Variants in PPFIBP2 observed in about 807,000 individuals in gnomAD.
PPFIBP2 encodes the protein liprin-beta-2.
In PPFIBP2, 118 loss-of-function variants were observed where a neutral mutation model predicts 118.3. That is an observed-to-expected ratio of 1.00 (90% CI 0.86 to 1.16). The LOEUF is 1.16. PPFIBP2 is among the 50% of genes most tolerant of loss of function. The pLI is 0.00. For missense variants in PPFIBP2, 1,195 were observed against 1,073.1 expected (o/e 1.11, Z -1.59); for synonymous variants, 414 against 397.4 (o/e 1.04, Z -0.50).
chr11:7,648,211 A>G (rs1853404447), intron 17 of PPFIBP2, 176 bp from the exon 18 acceptor site: 1 of 626,116 alleles, frequency 1.6e-6, no homozygotes, highest in Middle Eastern at 4.4e-4. Flanking sequence ...TCTACCTCCT[A>G]TGAGTGTGTT....
chr11:7,605,781 C>G (rs1334089953), intron 5 of PPFIBP2: 4 of 1,384,242 alleles, frequency 2.9e-6, no homozygotes, highest in Admixed American at 3.5e-5. Flanking sequence ...GATGAAAGGT[C>G]AGAAGATTGT....
chr11:7,666,094 G>C, the PPFIBP2 span: 4 of 637,082 alleles, frequency 6.3e-6, no homozygotes. Flanking sequence ...TGTGGTGGCC[G>C]TAAGCAGAAG....
intron 6 of PPFIBP2, among the ~76,000 whole-genome samples, chr11:7,611,704 T>C (rs1294408995): frequency 1.3e-5 from 2 of 152,244 alleles, no homozygotes; most frequent in East Asian, 3.8e-4. Flanking sequence ...CCAATTTCTT[T>C]GGTTATTCTG....
chr11:7,656,703 A>G (rs905051643), downstream of PPFIBP2: 3 of 1,289,376 alleles, frequency 2.3e-6, no homozygotes, highest in African/African-American at 4.6e-5. Flanking sequence ...TATTAAACTG[A>G]CCCTTCGGCT....
chr11:7,524,167 G>A (rs1285993243), intron 1 of PPFIBP2, among the ~76,000 whole-genome samples: 1 of 151,940 alleles, frequency 6.6e-6, no homozygotes, highest in Non-Finnish European at 1.5e-5. Flanking sequence ...AGTTGTGTAG[G>A]AATCAAGAGG....
chr11:7,530,306 C>T (rs977705814), intron 1 of PPFIBP2, among the ~76,000 whole-genome samples: 14 of 152,190 alleles, frequency 9.2e-5, no homozygotes, highest in Non-Finnish European at 1.6e-4. Context: ...AGGCAAAAAA[C>T]GAATCCAGCT....
chr11:7,556,312 G>A (rs573344023), intron 2 of PPFIBP2, among the ~76,000 whole-genome samples: 169 of 152,202 alleles, frequency 1.1e-3, no homozygotes, highest in African/African-American at 3.7e-3. Context: ...AAAATTAGCC[G>A]GGTGTGGTGG....
At position 7,589,240 on chromosome 11, in the gene PPFIBP2, G is replaced by A. The variant is rs567350852; in HGVS notation, c.280-3892G>A. ...ATTGAGCATCCTTAACAAGTATAAC[G>A]GGGGTGGATGATACTCTCCTTTATA... On this transcript the variant is annotated intron_variant, in intron 3 of 23. Transcript: ENST00000299492. 5.3e-5 allele frequency among the ~76,000 whole-genome samples: 8 copies of A among 152,184 alleles called. No individual in the cohort carries two copies. In the South Asian group the frequency reaches 1.2e-3, roughly 24 times the overall value.
intron 8 of PPFIBP2, among the ~76,000 whole-genome samples, chr11:7,627,235 C>T (rs1850141913): frequency 6.6e-6 from 1 of 152,184 alleles, no homozygotes; most frequent in African/African-American, 2.4e-5. Flanking sequence ...GGTTGGCAGT[C>T]TTCATCTAGA....
chr11:7,630,867 A>C lies in PPFIBP2; in HGVS notation c.965-58A>C, dbSNP rs1850662164. ...AACAATGTTAGAATTTTGTGGTACG[A>C]TTATAGGTTTCTGAACATGAATTCA... is the stretch of plus-strand genomic sequence containing the variant. On this transcript the variant is annotated intron_variant, in intron 10 of 23. Coordinates refer to ENST00000299492, the MANE Select transcript of PPFIBP2 (RefSeq NM_003621.5). 6 of 1,252,644 alleles carry C rather than the reference A, an allele frequency of 4.8e-6. No individual in the cohort carries two copies. In the South Asian group the frequency reaches 7.2e-5, roughly 15 times the overall value. 77.6% of individuals were successfully genotyped at this position (1,252,644 alleles called of 1,614,324 possible).
downstream of PPFIBP2, chr11:7,656,847 G>A (rs1284866084): frequency 7.9e-7 from 1 of 1,263,542 alleles, no homozygotes; most frequent in African/African-American, 1.5e-5. Flanking sequence ...GGGCCCCGGA[G>A]CCTTTGCTTC....
chr11:7,613,230 A>G (rs532282157), intron 6 of PPFIBP2, among the ~76,000 whole-genome samples: 41 of 152,190 alleles, frequency 2.7e-4, no homozygotes, highest in Non-Finnish European at 5.0e-4. Context: ...TGCCACCACA[A>G]TGTCACTAGA....
In PPFIBP2 at chr11:7,610,425, A is replaced by T. The variant is rs1175805141; in HGVS notation, c.618+3A>T. ...AGGAGAAGCAGAGAAAAGCAGAGGT[A>T]AGGGTGAGTGTGTACTGTCCTAAGC... is the stretch of plus-strand genomic sequence containing the variant. On this transcript the variant is annotated splice_donor_region_variant and intron_variant, in intron 6 of 23. Coordinates refer to ENST00000299492, the MANE Select transcript of PPFIBP2 (RefSeq NM_003621.5). 6.2e-7 allele frequency: 1 copy of T among 1,613,206 alleles called. No homozygotes were observed. The highest frequency in any genetic ancestry group is 1.7e-5 in the Admixed American group (1 of 60,014).
At chr11:7,597,415 T>A in intron 4 of PPFIBP2, 145 bp from the exon 5 acceptor site, 1 of 1,537,956 alleles carries the variant, frequency 6.5e-7, no homozygotes, top group Non-Finnish European at 8.7e-7. Flanking sequence ...GGACACTTCC[T>A]CCACCTGCCA....
At chr11:7,552,062 G>A (rs1218001725) in intron 2 of PPFIBP2, among the ~76,000 whole-genome samples, 1 of 152,202 alleles carries the variant, frequency 6.6e-6, no homozygotes, top group African/African-American at 2.4e-5. Context: ...TTTTCTGTCT[G>A]GAACAGGTAT....
chr11:7,642,403 C>G lies in PPFIBP2; in HGVS notation c.1623C>G (p.Thr541=). 6.2e-7 allele frequency: 1 copy of G among 1,613,864 alleles called. No homozygotes were observed. Among genetic ancestry groups the G allele is most frequent in the Non-Finnish European group, 8.5e-7 (1 of 1,179,844 alleles). The stretch of plus-strand genomic sequence containing the variant: ...CCGCAGGGCCAAGACTCTCTAGGAC[C>G]AGGGACTCCAAGGGACAGAAAAGGT... ...RATAGPRLSR[T]RDSKGQKSDA... The change falls in exon 17 of 24, where the codon ACC becomes ACG. Residue 541 remains threonine, a synonymous_variant. Coordinates refer to ENST00000299492, the MANE Select transcript of PPFIBP2 (RefSeq NM_003621.5).
intron 3 of PPFIBP2, among the ~76,000 whole-genome samples, chr11:7,590,559 T>C (rs1242923896): frequency 6.6e-6 from 1 of 152,224 alleles, no homozygotes; most frequent in African/African-American, 2.4e-5. Flanking sequence ...ACCACTGTTC[T>C]AGGTCCTCTA....
downstream of PPFIBP2, chr11:7,655,633 G>C: frequency 1.5e-6 from 1 of 666,842 alleles, no homozygotes; most frequent in Non-Finnish European, 2.3e-6. Flanking sequence ...CACAGCCTGA[G>C]CCTGAGCCAG....
chr11:7,549,329 A>C, intron 1 of PPFIBP2, 111 bp from the exon 2 acceptor site: 1 of 979,004 alleles, frequency 1.0e-6, no homozygotes, highest in South Asian at 1.5e-5. Flanking sequence ...GGCTACTATG[A>C]TTCTTATGAA....
Sources: gnomAD v4.1 joint callset for allele counts (sites outside exome capture counted in the v4.1 genomes callset) on GRCh38, gnomAD v4.1.1 for gene constraint, MANE v1.5 for transcripts, NCBI Gene and HGNC (gene_info 2026-07-23, HGNC 2026-07-21) for gene names.